SERINC5: variants seen among roughly 807,000 people sequenced by gnomAD.
SERINC5 encodes the protein chromosome 5 open reading frame 12.
In SERINC5, 41 loss-of-function variants were observed where a neutral mutation model predicts 63.1. The observed-to-expected ratio is 0.65, with a 90% CI of 0.51 to 0.84. The LOEUF is 0.84. SERINC5 is among the 40% of genes least tolerant of loss of function. The pLI is 0.00. For synonymous variants in SERINC5, 222 were observed against 215.2 expected, an observed-to-expected ratio of 1.03 and a Z score of -0.28; for missense variants, 523 against 573.0, an observed-to-expected ratio of 0.91 and a Z score of 0.89.
At chr5:80,153,327 G>A (rs1463467543) in intron 8 of SERINC5, among the ~76,000 whole-genome samples, 1 of 151,836 alleles carries the variant, frequency 6.6e-6, no homozygotes, top group Non-Finnish European at 1.5e-5. Context: ...GCATGGTGGG[G>A]GGCGCCTGTA....
At chr5:80,187,797 T>C (rs1316999593) in intron 2 of SERINC5, among the ~76,000 whole-genome samples, 2 of 152,156 alleles carry the variant, frequency 1.3e-5, no homozygotes, top group Admixed American at 6.5e-5. Context: ...CATGAATATT[T>C]TGTCAGAATC....
chr5:80,246,602 C>G (rs937754470), intron 1 of SERINC5, among the ~76,000 whole-genome samples: 2 of 152,190 alleles, frequency 1.3e-5, no homozygotes, highest in East Asian at 1.9e-4. Flanking sequence ...CTTTCCACAA[C>G]AGCTGCTTTC....
At position 80,141,259 on chromosome 5, in the gene SERINC5, AACGGGATGTC is replaced by A; in HGVS notation, c.*2394_*2403del. On this transcript the variant is annotated 3_prime_UTR_variant, in exon 12 of 12. Coordinates refer to ENST00000507668, the MANE Select transcript of SERINC5 (RefSeq NM_001174072.3). Reference sequence around the variant, plus strand: ...TGCATCAGACCAACCGGCAGAAGGGAACGGGATGTCACAAACCAGACTCACGCATCTGGAA... The same window carrying A: ...TGCATCAGACCAACCGGCAGAAGGGAACAAACCAGACTCACGCATCTGGAA... 1 of 985,462 alleles carries A rather than the reference AACGGGATGTC, an allele frequency of 1.0e-6. No individual in the cohort carries two copies. Among genetic ancestry groups the A allele is most frequent in the Non-Finnish European group, 1.2e-6 (1 of 829,938 alleles). 61.0% of individuals were successfully genotyped at this position (985,462 alleles called of 1,614,324 possible). A position where few individuals can be genotyped will look rare whatever the true frequency, so the allele number is the denominator to read the frequency against.
chr5:80,122,706 G>A (rs772259668), intron 11 of SERINC5, among the ~76,000 whole-genome samples: 4 of 152,192 alleles, frequency 2.6e-5, no homozygotes, highest in African/African-American at 4.8e-5. Context: ...AGGGGAATTC[G>A]GAGAGATTTG....
At chr5:80,198,244 G>A (rs1005960818) in intron 2 of SERINC5, among the ~76,000 whole-genome samples, 3 of 152,106 alleles carry the variant, frequency 2.0e-5, no homozygotes, top group Non-Finnish European at 4.4e-5. Flanking sequence ...TAGCCCTTAT[G>A]TTTTGAGATG....
chr5:80,123,813 G>C lies in SERINC5; in HGVS notation c.1239-10188C>G, dbSNP rs148111085. On this transcript the variant is annotated intron_variant, in intron 11 of 12. Transcript: ENST00000509193. ...CCACCAGCCCTGGAAGTTATGGAAG[G>C]GGAAGGTAGCTTATTCTGATATCGT... Among the ~76,000 whole-genome samples the C allele has an allele frequency of 5.9e-3, 894 of 152,288 alleles. 6 individuals are homozygous for C. Among genetic ancestry groups the C allele is most frequent in the Middle Eastern group, 0.031 (9 of 292 alleles).
intron 7 of SERINC5, among the ~76,000 whole-genome samples, chr5:80,164,385 A>G (rs999695680): frequency 2.7e-5 from 4 of 148,524 alleles, no homozygotes; most frequent in African/African-American, 5.0e-5. Flanking sequence ...ATTTTATTTT[A>G]TTTTTTTGAG....
At chr5:80,130,595 A>T (rs1744908075) in intron 11 of SERINC5, among the ~76,000 whole-genome samples, 1 of 152,176 alleles carries the variant, frequency 6.6e-6, no homozygotes, top group Non-Finnish European at 1.5e-5. Flanking sequence ...ACCTATCTTT[A>T]TCTTTCCATA....
chr5:80,244,417 C>T (rs1161404600), intron 1 of SERINC5, among the ~76,000 whole-genome samples: 3 of 151,792 alleles, frequency 2.0e-5, no homozygotes, highest in African/African-American at 7.2e-5. Flanking sequence ...GGTTTTACCA[C>T]GTTGGTCAAG....
At chr5:80,185,578 A>G (rs1424447809) in intron 2 of SERINC5, among the ~76,000 whole-genome samples, 1 of 152,168 alleles carries the variant, frequency 6.6e-6, no homozygotes, top group Non-Finnish European at 1.5e-5. Context: ...ACCTGGGTGC[A>G]GGCGGGCTGA....
intron 1 of SERINC5, among the ~76,000 whole-genome samples, chr5:80,226,540 C>G (rs1013726180): frequency 5.3e-5 from 8 of 152,094 alleles, no homozygotes; most frequent in African/African-American, 1.9e-4. Context: ...GACCCTAAAA[C>G]AGGTGCATGC....
At chr5:80,150,841 C>G in intron 9 of SERINC5, 41 bp downstream of exon 9, 1 of 1,408,400 alleles carries the variant, frequency 7.1e-7, no homozygotes, top group South Asian at 1.2e-5. Context: ...AGAAATGGAT[C>G]TTCTGAGATG....
downstream of SERINC5, among the ~76,000 whole-genome samples, chr5:80,137,139 C>CAAAAAAAAAAAAAAAAA (rs869035894): frequency 7.4e-5 from 5 of 67,730 alleles, no homozygotes; most frequent in Admixed American, 1.8e-4. Flanking sequence ...GACCCTGTCT[C>CAAAAAAAAAAAAAAAAA]AAAAAAAAAA....
At chr5:80,151,096 A>G (rs1746154353) in intron 8 of SERINC5, 148 bp from the exon 9 acceptor site, 1 of 651,582 alleles carries the variant, frequency 1.5e-6, no homozygotes, top group Non-Finnish European at 2.8e-6. Flanking sequence ...CTATTTTAAT[A>G]CCTCTCCTTA....
At chr5:80,188,102 G>C in intron 2 of SERINC5, among the ~76,000 whole-genome samples, 1 of 151,954 alleles carries the variant, frequency 6.6e-6, no homozygotes, top group East Asian at 1.9e-4. Context: ...GGCCAAGATG[G>C]TGAAACCCCG....
rs1745803398 is a variant in SERINC5, at chr5:80,146,098, G to C, written c.1230C>G (p.Asn410Lys). 3 of 1,614,026 alleles carry C rather than the reference G, an allele frequency of 1.9e-6. No individual in the cohort carries two copies. Among genetic ancestry groups the C allele is most frequent in the Non-Finnish European group, 2.5e-6 (3 of 1,179,874 alleles). ...GCAAATGGGCCACTCACTTGAACCA[G>C]TTGGTGACGGTCATCATCACATACA... ...ASLYVMMTVT[N>K]WFNYESANIE... The change falls in exon 11 of 12, where the codon AAC (asparagine) becomes AAG (lysine). Residue 410 changes from asparagine to lysine, a missense_variant. Transcript: ENST00000507668.
intron 11 of SERINC5, among the ~76,000 whole-genome samples, chr5:80,145,838 C>T (rs1205519332): frequency 6.6e-6 from 1 of 152,118 alleles, no homozygotes; most frequent in Non-Finnish European, 1.5e-5. Flanking sequence ...GGCAAAACCC[C>T]GTCTCAACTA....
chr5:80,153,294 C>T (rs1282068260), intron 8 of SERINC5, among the ~76,000 whole-genome samples: 3 of 151,394 alleles, frequency 2.0e-5, no homozygotes, highest in African/African-American at 4.9e-5. Flanking sequence ...CCTGTCTCTA[C>T]TAAAAATATA....
At chr5:80,202,793 G>C (rs1256121637) in intron 2 of SERINC5, 93 bp downstream of exon 2, 1 of 1,282,158 alleles carries the variant, frequency 7.8e-7, no homozygotes, top group Non-Finnish European at 1.1e-6. Context: ...AAAACACATG[G>C]GGGTACATGG....
Sources: gnomAD v4.1 joint callset for allele counts (sites outside exome capture counted in the v4.1 genomes callset) on GRCh38, gnomAD v4.1.1 for gene constraint, MANE v1.5 for transcripts, NCBI Gene and HGNC (gene_info 2026-07-23, HGNC 2026-07-21) for gene names.